The following RABL3 variants were observed in gnomAD, a reference collection of about 807,000 sequenced individuals.
The protein encoded by RABL3 is rab-like protein 3.
RABL3 carries 31 observed loss-of-function variants against 31.8 expected under a neutral mutation model. The ratio of observed to expected loss-of-function variants is 0.97; its 90% confidence interval spans 0.73 to 1.31. The LOEUF (loss-of-function observed/expected upper bound fraction) is 1.31, where lower values mean the gene tolerates loss of function less well. Among genes scored for constraint, RABL3 ranks in the 40% most tolerant of loss-of-function variants. RABL3 has a pLI of 0.00. For synonymous variants in RABL3, 97 were observed against 99.9 expected, an observed-to-expected ratio of 0.97 and a Z score of 0.18; for missense variants, 263 against 279.6, an observed-to-expected ratio of 0.94 and a Z score of 0.42.
intron 1 of RABL3, among the ~76,000 whole-genome samples, chr3:120,731,888 C>T (rs1396720169): frequency 6.6e-6 from 1 of 151,754 alleles, no homozygotes; most frequent in Non-Finnish European, 1.5e-5. Flanking sequence ...TGCATCTCTA[C>T]AAAAAATAAA....
chr3:120,723,636 G>T (rs1708777459), intron 2 of RABL3, among the ~76,000 whole-genome samples: 1 of 152,170 alleles, frequency 6.6e-6, no homozygotes, highest in East Asian at 1.9e-4. Flanking sequence ...ATGGAAGGCT[G>T]GTTCAACATA....
intron 3 of RABL3, among the ~76,000 whole-genome samples, chr3:120,706,628 T>TTTTTTTTTTTTTTTTTTTTG (rs1216005895): frequency 2.0e-5 from 3 of 151,258 alleles, no homozygotes; most frequent in Non-Finnish European, 3.0e-5. Context: ...TGCTATTCTT[T>TTTTTTTTTTTTTTTTTTTTG]AGCTGACAAA....
At chr3:120,693,561 T>C (rs184469701) in intron 6 of RABL3, among the ~76,000 whole-genome samples, 11 of 152,364 alleles carry the variant, frequency 7.2e-5, no homozygotes, top group African/African-American at 2.4e-4. Context: ...TAAAGTTGTA[T>C]GGCTTTGTGA....
At chr3:120,705,061 A>G (rs570979170) in intron 4 of RABL3, among the ~76,000 whole-genome samples, 38 of 152,180 alleles carry the variant, frequency 2.5e-4, no homozygotes, top group Non-Finnish European at 4.7e-4. Flanking sequence ...ACAATTTACA[A>G]TAGCTTAAAA....
chr3:120,689,839 CTCTTTAATGTTCCTGCCCCAAA>C lies in RABL3; in HGVS notation c.673_694del (p.Phe225AlafsTer41), dbSNP rs775296366. The C allele has an allele frequency of 3.7e-6, 6 of 1,612,830 alleles. No individual in the cohort carries two copies. The highest frequency in any genetic ancestry group is 3.3e-4 in the Middle Eastern group (2 of 6,058). The stretch of plus-strand genomic sequence containing the variant: ...GAGTGTAATTCAGTCATAATGAAGG[CTCTTTAATGTTCCTGCCCCAAA>C]TCTTTTCCGATCAGGAAAGCCTGGA... On this transcript the variant is annotated frameshift_variant, in exon 8 of 8. Coordinates refer to ENST00000273375, the MANE Select transcript of RABL3 (RefSeq NM_173825.5). LOFTEE classifies it high-confidence loss of function.
chr3:120,735,857 G>T (rs944701480), intron 1 of RABL3, among the ~76,000 whole-genome samples: 12 of 152,206 alleles, frequency 7.9e-5, no homozygotes, highest in African/African-American at 2.9e-4. Flanking sequence ...GAGCGGTTTT[G>T]AGTGAGTTTC....
At chr3:120,720,892 C>T (rs921747226) in intron 2 of RABL3, among the ~76,000 whole-genome samples, 1 of 152,024 alleles carries the variant, frequency 6.6e-6, no homozygotes, top group Non-Finnish European at 1.5e-5. Context: ...GTCAGATTCA[C>T]CAAAGTTGAA....
chr3:120,703,094 T>C (rs539649899), intron 4 of RABL3, among the ~76,000 whole-genome samples: 3 of 152,330 alleles, frequency 2.0e-5, no homozygotes, highest in African/African-American at 7.2e-5. Flanking sequence ...AGTTCGTGAA[T>C]GCTTGAGCTC....
At chr3:120,694,132 T>G in intron 6 of RABL3, 21 bp downstream of exon 6, 1 of 1,498,842 alleles carries the variant, frequency 6.7e-7, no homozygotes, top group Non-Finnish European at 9.2e-7. Flanking sequence ...AGTTTAAAAA[T>G]AACTTAATTG....
intron 2 of RABL3, among the ~76,000 whole-genome samples, chr3:120,712,318 T>C (rs1402471677): frequency 6.6e-6 from 1 of 152,154 alleles, no homozygotes; most frequent in Non-Finnish European, 1.5e-5. Context: ...TAATTCTGCA[T>C]ATTACAATAG....
At chr3:120,723,872 C>A (rs370588039) in intron 2 of RABL3, among the ~76,000 whole-genome samples, 21 of 151,944 alleles carry the variant, frequency 1.4e-4, no homozygotes, top group African/African-American at 2.4e-4. Context: ...GGAAGCATTC[C>A]CTTTGAAAAC....
chr3:120,731,780 G>T (rs369284714), intron 1 of RABL3, among the ~76,000 whole-genome samples: 1 of 152,098 alleles, frequency 6.6e-6, no homozygotes, highest in Non-Finnish European at 1.5e-5. Context: ...GGCCAGGCAC[G>T]GTGGCTCACG....
intron 2 of RABL3, 112 bp from the exon 3 acceptor site, chr3:120,710,021 C>T (rs969401820): frequency 8.4e-6 from 6 of 710,620 alleles, no homozygotes; most frequent in South Asian, 2.0e-5. Flanking sequence ...TGATCGCTAC[C>T]TCTTATCTTT....
intron 2 of RABL3, among the ~76,000 whole-genome samples, chr3:120,727,283 T>A (rs942101397): frequency 4.1e-4 from 63 of 152,040 alleles, no homozygotes; most frequent in Non-Finnish European, 8.2e-4. Flanking sequence ...AAGCCACAAA[T>A]CATTCTACCA....
intron 2 of RABL3, 48 bp from the exon 3 acceptor site, chr3:120,709,957 T>C: frequency 7.3e-7 from 1 of 1,377,860 alleles, no homozygotes; most frequent in African/African-American, 1.5e-5. Flanking sequence ...CTAAACAAAC[T>C]AGTAAGTACC....
chr3:120,741,347 T>C (rs1292466928), intron 1 of RABL3, among the ~76,000 whole-genome samples: 1 of 152,242 alleles, frequency 6.6e-6, no homozygotes, highest in African/African-American at 2.4e-5. Context: ...TATTTCATAA[T>C]GCAAATAATC....
intron 1 of RABL3, among the ~76,000 whole-genome samples, chr3:120,734,938 C>T (rs1230941430): frequency 3.9e-5 from 6 of 152,132 alleles, no homozygotes; most frequent in African/African-American, 9.7e-5. Context: ...CTGCTGGATT[C>T]GGTTTGCCAG....
rs569077212 is a variant in RABL3, at chr3:120,695,595, G to A, written c.535-1371C>T. On this transcript the variant is annotated intron_variant, in intron 5 of 7. Transcript: ENST00000273375. ...CAGATTGAATTTTCAGGCACAACAAGCACTTACCACAATAAAGATAATTCC... is the reference window on the plus strand; with the variant it reads ...CAGATTGAATTTTCAGGCACAACAAACACTTACCACAATAAAGATAATTCC... Among the ~76,000 whole-genome samples the A allele has an allele frequency of 3.3e-5, 5 of 152,194 alleles. No homozygotes were observed. The East Asian group carries it at 7.7e-4, about 23-fold the overall frequency.
At chr3:120,739,041 C>T (rs757482728) in intron 1 of RABL3, among the ~76,000 whole-genome samples, 2 of 152,144 alleles carry the variant, frequency 1.3e-5, no homozygotes, top group Non-Finnish European at 2.9e-5. Context: ...TCAACAGTAT[C>T]ATGTAGTTGG....
Sources: allele counts gnomAD v4.1 joint callset (sites outside exome capture counted in the v4.1 genomes callset), GRCh38; gene constraint gnomAD v4.1.1; transcripts MANE v1.5; gene names NCBI Gene and HGNC (gene_info 2026-07-23, HGNC 2026-07-21).